SLAMF9: variants seen among roughly 807,000 people sequenced by gnomAD.
The protein encoded by SLAMF9 is CD2 family member 10.
SLAMF9 carries 25 observed loss-of-function variants against 30.4 expected under a neutral mutation model. The ratio of observed to expected loss-of-function variants is 0.82; its 90% CI spans 0.60 to 1.15. The LOEUF (loss-of-function observed/expected upper bound fraction) is 1.15. Ranked by LOEUF, SLAMF9 falls within the 50% of genes most tolerant of loss-of-function variation. The pLI, the probability that SLAMF9 is intolerant of heterozygous loss-of-function variation, is 0.00. For synonymous variants in SLAMF9, 129 were observed against 127.2 expected, an observed-to-expected ratio of 1.01 and a Z score of -0.09; for missense variants, 344 against 346.1, an observed-to-expected ratio of 0.99 and a Z score of 0.05.
the SLAMF9 span, among the ~76,000 whole-genome samples, chr1:159,967,177 C>T: frequency 2.6e-5 from 4 of 152,176 alleles, no homozygotes; most frequent in African/African-American, 9.7e-5. Context: ...TTCTAGGGTA[C>T]ATGTGTACAA....
chr1:159,966,258 A>T, the SLAMF9 span, among the ~76,000 whole-genome samples: 2 of 152,196 alleles, frequency 1.3e-5, no homozygotes, highest in African/African-American at 4.8e-5. Context: ...CTCTAGATTC[A>T]TTTGTGTTGT....
At chr1:159,981,939 C>G in the SLAMF9 span, among the ~76,000 whole-genome samples, 3 of 152,216 alleles carry the variant, frequency 2.0e-5, no homozygotes, top group African/African-American at 7.2e-5. Context: ...TCTCCTTTCC[C>G]AGGTGTCTGA....
At chr1:159,965,727 A>C in the SLAMF9 span, 1 of 152,226 alleles carries the variant, frequency 6.6e-6, no homozygotes, top group African/African-American at 2.4e-5. Context: ...TTGTCTTAAT[A>C]CTTTGGAACT....
chr1:159,958,582 TC>T (rs763257240), upstream of SLAMF9, among the ~76,000 whole-genome samples: 5 of 151,984 alleles, frequency 3.3e-5, no homozygotes, highest in Non-Finnish European at 5.9e-5. Flanking sequence ...CATCTCAGCC[TC>T]CCAACTAGCT....
At chr1:159,960,270 G>T in the SLAMF9 span, among the ~76,000 whole-genome samples, 1 of 148,566 alleles carries the variant, frequency 6.7e-6, no homozygotes, top group Admixed American at 6.8e-5. Flanking sequence ...GCGGTGTTTG[G>T]TTTTTTGTCC....
the SLAMF9 span, chr1:159,965,490 C>T: frequency 1.3e-5 from 2 of 152,126 alleles, no homozygotes; most frequent in Admixed American, 1.3e-4. Context: ...CTATGGTATC[C>T]ATCTCCAGCG....
the SLAMF9 span, chr1:159,983,604 A>G: frequency 6.6e-6 from 1 of 152,238 alleles, no homozygotes; most frequent in South Asian, 2.1e-4. Context: ...TTGAAATACT[A>G]TTGTTAGGAA....
At chr1:159,977,269 T>A in the SLAMF9 span, among the ~76,000 whole-genome samples, 1 of 152,200 alleles carries the variant, frequency 6.6e-6, no homozygotes, top group African/African-American at 2.4e-5. Flanking sequence ...TCCTTTTTGC[T>A]TTCCCTAGTC....
upstream of SLAMF9, among the ~76,000 whole-genome samples, chr1:159,955,082 C>CA (rs565653639): frequency 0.023 from 1,321 of 56,324 alleles, 9 homozygotes; most frequent in Middle Eastern, 0.075. Flanking sequence ...TGTCTCAAAG[C>CA]AAAAAAAAAA....
upstream of SLAMF9, among the ~76,000 whole-genome samples, chr1:159,956,146 A>G (rs1358735286): frequency 6.6e-6 from 1 of 152,224 alleles, no homozygotes; most frequent in Non-Finnish European, 1.5e-5. Flanking sequence ...GTAGATATAT[A>G]CACAATGGAA....
At position 159,952,317 on chromosome 1, in the gene SLAMF9, G is replaced by A. The variant is rs764580576; in HGVS notation, c.609C>T (p.Asn203=). Residue 203 remains asparagine (N), a synonymous_variant, in exon 3 of 4, where the codon AAC becomes AAT. Coordinates refer to ENST00000368093, the MANE Select transcript of SLAMF9 (RefSeq NM_033438.4). Reference sequence around the variant, plus strand: ...AAGAACTGACGTTGCTGATGGGGTTGTTGGCTCTGCAGGTGTAGGAGAGGG... The same window carrying A: ...AAGAACTGACGTTGCTGATGGGGTTATTGGCTCTGCAGGTGTAGGAGAGGG... ...DSALSYTCRA[N]NPISNVSSCP... The A allele has an allele frequency of 6.2e-7, 1 of 1,614,138 alleles. No individual in the cohort carries two copies.
At chr1:159,964,737 A>G in the SLAMF9 span, among the ~76,000 whole-genome samples, 4 of 152,350 alleles carry the variant, frequency 2.6e-5, no homozygotes, top group South Asian at 8.3e-4. Context: ...TTACTTGATT[A>G]AACAAATTTG....
chr1:159,960,172 C>G, the SLAMF9 span, among the ~76,000 whole-genome samples: 260 of 130,390 alleles, frequency 2.0e-3, 2 homozygotes, highest in African/African-American at 6.6e-3. Flanking sequence ...CCCCTCCCCC[C>G]ACCCCACAAC....
the SLAMF9 span, among the ~76,000 whole-genome samples, chr1:159,966,157 A>T: frequency 6.6e-6 from 1 of 152,120 alleles, no homozygotes; most frequent in African/African-American, 2.4e-5. Flanking sequence ...TTATTCTTCT[A>T]CAAATTCAAC....
the SLAMF9 span, chr1:159,961,389 G>A: frequency 2.0e-5 from 3 of 152,346 alleles, no homozygotes; most frequent in Non-Finnish European, 2.9e-5. Context: ...CCATGGTACT[G>A]GAGGAGCCAT....
At chr1:159,982,167 C>T in the SLAMF9 span, among the ~76,000 whole-genome samples, 789 of 152,302 alleles carry the variant, frequency 5.2e-3, 5 homozygotes, top group African/African-American at 0.018. Context: ...TCTTGTCACG[C>T]TCTGCTTCCA....
At chr1:159,960,365 A>G in the SLAMF9 span, among the ~76,000 whole-genome samples, 3 of 151,680 alleles carry the variant, frequency 2.0e-5, no homozygotes, top group African/African-American at 7.3e-5. Flanking sequence ...TTATGGCTGC[A>G]TCTACACTGC....
intron 3 of SLAMF9, 45 bp downstream of exon 3, chr1:159,952,217 C>T (rs1557942211): frequency 6.2e-7 from 1 of 1,605,824 alleles, no homozygotes; most frequent in Non-Finnish European, 8.5e-7. Context: ...TGCCTCTAGG[C>T]ACTATCTTTC....
chr1:159,974,129 G>C, the SLAMF9 span: 2 of 1,211,998 alleles, frequency 1.7e-6, no homozygotes, highest in South Asian at 1.4e-5. Flanking sequence ...CTCTCCCTCT[G>C]TCCTCCAGCC....
Sources: allele counts gnomAD v4.1 joint callset (sites outside exome capture counted in the v4.1 genomes callset), GRCh38; gene constraint gnomAD v4.1.1; transcripts MANE v1.5; gene names NCBI Gene and HGNC (gene_info 2026-07-23, HGNC 2026-07-21).